WDR17: variants seen among roughly 807,000 people sequenced by gnomAD.
WDR17 encodes WD repeat domain 17, also known as WD repeat-containing protein 17.
In WDR17, 143 loss-of-function variants were observed where a neutral mutation model predicts 161.7. The observed-to-expected ratio is 0.88, with a 90% CI of 0.77 to 1.02. The LOEUF (loss-of-function observed/expected upper bound fraction) is 1.02, where lower values mean the gene tolerates loss of function less well. Ranked by LOEUF, WDR17 falls within the 50% of genes least tolerant of loss-of-function variation. The probability of loss-of-function intolerance (pLI) is 0.00; values close to 1 mark genes in which losing one functional copy is unlikely to be tolerated. For synonymous variants in WDR17, 517 were observed against 515.6 expected (o/e 1.00, Z -0.04); for missense variants, 1,469 against 1,520.9 (o/e 0.97, Z 0.57).
chr4:176,148,052 T>C, intron 12 of WDR17, 81 bp from the exon 13 acceptor site: 1 of 1,208,768 alleles, frequency 8.3e-7, no homozygotes, highest in Non-Finnish European at 1.1e-6. Flanking sequence ...CAAATAATTA[T>C]TATACTCTAT....
At position 176,182,736 on chromosome 4, in the gene WDR17, G is replaced by A. The variant is rs1383312060; in HGVS notation, c.*3157G>A. 1 of 151,944 alleles carries A rather than the reference G, an allele frequency of 6.6e-6. No individual in the cohort carries two copies. The highest frequency in any genetic ancestry group is 1.5e-5 in the Non-Finnish European group (1 of 68,002). 9.4% of individuals were successfully genotyped at this position (151,944 alleles called of 1,614,324 possible). Reference sequence around the variant, plus strand: ...TATATCATGACTGTGCTATAATTTGGCATGTCATTATCTAGATTTATATGT... The same window carrying A: ...TATATCATGACTGTGCTATAATTTGACATGTCATTATCTAGATTTATATGT... On this transcript the variant is annotated 3_prime_UTR_variant, in exon 29 of 29. Transcript: ENST00000508596. This position sits in a 1 kb window ranked among gnomAD's most constrained non-coding sequence, Gnocchi z 4.2.
At chr4:176,141,285 G>A (rs932543424) in intron 10 of WDR17, among the ~76,000 whole-genome samples, 1 of 151,796 alleles carries the variant, frequency 6.6e-6, no homozygotes, top group Non-Finnish European at 1.5e-5. Context: ...TTGGTGCAAT[G>A]GTACATAAAA....
intron 19 of WDR17, among the ~76,000 whole-genome samples, chr4:176,160,474 A>C (rs1748869363): frequency 6.6e-6 from 1 of 152,110 alleles, no homozygotes; most frequent in South Asian, 2.1e-4. Context: ...GGCACCCGCC[A>C]CCATGCCCAG....
chr4:176,143,029 G>A (rs777726460), intron 11 of WDR17, among the ~76,000 whole-genome samples: 2 of 152,090 alleles, frequency 1.3e-5, no homozygotes, highest in South Asian at 2.1e-4. Flanking sequence ...ATGGGCATGC[G>A]CCACCACGCC....
At chr4:176,095,736 A>G (rs1156307905) in intron 1 of WDR17, among the ~76,000 whole-genome samples, 2 of 149,076 alleles carry the variant, frequency 1.3e-5, no homozygotes, top group African/African-American at 4.9e-5. Context: ...TCCTTCCTTC[A>G]TTTTGTCTCT....
chr4:176,158,001 G>C (rs1348303210), intron 18 of WDR17, among the ~76,000 whole-genome samples: 1 of 152,212 alleles, frequency 6.6e-6, no homozygotes, highest in Non-Finnish European at 1.5e-5. Context: ...GAGCCAGGGG[G>C]AAGTGATGCC....
At chr4:176,098,985 A>G (rs1737361076) in intron 1 of WDR17, among the ~76,000 whole-genome samples, 1 of 152,070 alleles carries the variant, frequency 6.6e-6, no homozygotes, top group South Asian at 2.1e-4. Context: ...AGAAATGCTT[A>G]TATTATCTAA....
chr4:176,134,731 A>G (rs1744118470), intron 7 of WDR17, among the ~76,000 whole-genome samples: 1 of 151,736 alleles, frequency 6.6e-6, no homozygotes, highest in East Asian at 1.9e-4. Context: ...GTGCCAGATG[A>G]CATATGGTAA....
intron 11 of WDR17, among the ~76,000 whole-genome samples, chr4:176,143,098 C>T (rs546543573): frequency 2.0e-4 from 31 of 152,278 alleles, no homozygotes; most frequent in Non-Finnish European, 3.8e-4. Context: ...AGGCTGGTCT[C>T]GAATTCCCGA....
At chr4:176,122,113 G>A (rs1447940464) in intron 4 of WDR17, among the ~76,000 whole-genome samples, 1 of 152,172 alleles carries the variant, frequency 6.6e-6, no homozygotes, top group East Asian at 1.9e-4. Flanking sequence ...TGCTCCCCCT[G>A]AAGGCCCAAA....
intron 4 of WDR17, among the ~76,000 whole-genome samples, chr4:176,122,228 A>G (rs78824548): frequency 0.012 from 1,828 of 152,214 alleles, 19 homozygotes; most frequent in Non-Finnish European, 0.019. Context: ...GTGTGTATGC[A>G]TGTCTCTGTG....
chr4:176,162,832 AT>A (rs1382529245), intron 21 of WDR17, among the ~76,000 whole-genome samples: 1 of 152,090 alleles, frequency 6.6e-6, no homozygotes, highest in African/African-American at 2.4e-5. Context: ...AAAAATTTAC[AT>A]TTTTTTCTGA....
Position 176,150,538 on chromosome 4 carries a change from C to T in WDR17, c.2249C>T (p.Pro750Leu), listed in dbSNP as rs758949027. The T allele has an allele frequency of 6.2e-7, 1 of 1,611,742 alleles. No homozygotes were observed. Among genetic ancestry groups the T allele is most frequent in the Non-Finnish European group, 8.5e-7 (1 of 1,179,110 alleles). The part of the protein sequence containing the change: ...VIKGQDDSLL[P>L]QNYCKGIMHL... ...AAAGGACAGGATGATAGCTTACTTCCTCAGAACTACTGCAAAGGAATAATG... is the reference window on the plus strand; with the variant it reads ...AAAGGACAGGATGATAGCTTACTTCTTCAGAACTACTGCAAAGGAATAATG... Residue 750 changes from proline to leucine, a missense_variant, in exon 16 of 29, where the codon CCT becomes CTT. By Grantham distance (98) the Pro-to-Leu change is moderately conservative. Coordinates refer to ENST00000508596, the MANE Select transcript of WDR17 (RefSeq NM_181265.4).
At chr4:176,146,639 C>G (rs1358482385) in intron 12 of WDR17, among the ~76,000 whole-genome samples, 2 of 152,080 alleles carry the variant, frequency 1.3e-5, no homozygotes, top group Non-Finnish European at 2.9e-5. Flanking sequence ...ACTTCAAAGC[C>G]TAACTACCTA....
chr4:176,128,896 A>T (rs1742915067), intron 6 of WDR17, 36 bp downstream of exon 6: 2 of 1,501,426 alleles, frequency 1.3e-6, no homozygotes, highest in Non-Finnish European at 1.8e-6. Context: ...TAATTTTTAA[A>T]AAATATTGTG....
At chr4:176,107,132 T>G (rs1011013741) in intron 1 of WDR17, among the ~76,000 whole-genome samples, 1 of 152,064 alleles carries the variant, frequency 6.6e-6, no homozygotes, top group Non-Finnish European at 1.5e-5. Flanking sequence ...GACAAGATAC[T>G]TTAATAGATG....
intron 18 of WDR17, among the ~76,000 whole-genome samples, chr4:176,157,918 G>C (rs191791654): frequency 6.6e-6 from 1 of 152,288 alleles, no homozygotes; most frequent in East Asian, 1.9e-4. Context: ...GAAGAGGCTA[G>C]AGGAAGCATC....
chr4:176,095,307 C>A (rs757390150), intron 1 of WDR17, among the ~76,000 whole-genome samples: 2 of 152,106 alleles, frequency 1.3e-5, no homozygotes, highest in Admixed American at 1.3e-4. Context: ...GTAACAGATT[C>A]AAGGAAGTCA....
chr4:176,159,294 CACAT>C (rs1161560871), intron 18 of WDR17, among the ~76,000 whole-genome samples: 2 of 147,512 alleles, frequency 1.4e-5, no homozygotes, highest in African/African-American at 2.6e-5. Context: ...CACACACACA[CACAT>C]ACACACACAC....
Sources: gnomAD v4.1 joint callset for allele counts (sites outside exome capture counted in the v4.1 genomes callset) on GRCh38, gnomAD v4.1.1 for gene constraint, Gnocchi (gnomAD v3.1) non-coding constraint, MANE v1.5 for transcripts, NCBI Gene and HGNC (gene_info 2026-07-23, HGNC 2026-07-21) for gene names.